GRID2: variants seen among roughly 807,000 people sequenced by gnomAD.
GRID2 encodes the protein glutamate ionotropic receptor delta type subunit 2, also known as glutamate receptor ionotropic, delta-2.
A neutral mutation model predicts 114.8 loss-of-function variants in GRID2; 33 were observed. The observed-to-expected ratio is 0.29, with a 90% CI of 0.22 to 0.38. GRID2 has a LOEUF of 0.38. GRID2 is among the 10% of genes least tolerant of loss of function. The pLI, the probability that GRID2 is intolerant of heterozygous loss-of-function variation, is 1.00. For synonymous variants in GRID2, 505 were observed against 449.9 expected, an observed-to-expected ratio of 1.12 and a Z score of -1.55; for missense variants, 1,184 against 1,257.7, an observed-to-expected ratio of 0.94 and a Z score of 0.89.
At chr4:93,496,621 A>G (rs985935978) in intron 12 of GRID2, among the ~76,000 whole-genome samples, 1 of 151,784 alleles carries the variant, frequency 6.6e-6, no homozygotes, top group Non-Finnish European at 1.5e-5. Flanking sequence ...ATAGGATTGA[A>G]TCAGAGTATG....
chr4:93,766,857 A>G (rs1733716601), intron 14 of GRID2, among the ~76,000 whole-genome samples: 1 of 152,174 alleles, frequency 6.6e-6, no homozygotes, highest in Non-Finnish European at 1.5e-5. Flanking sequence ...AATGTACAAT[A>G]CAGTATTGCT....
chr4:92,885,597 T>G (rs1746315043), intron 2 of GRID2, among the ~76,000 whole-genome samples: 1 of 152,354 alleles, frequency 6.6e-6, no homozygotes, highest in Admixed American at 6.5e-5. Context: ...TTGTCTGTGA[T>G]GATTCTGTTG....
Position 93,477,593 on chromosome 4 carries a change from A to G in GRID2, c.1859-13046A>G, listed in dbSNP as rs150192418. ...TTTCAATGTCATTTCAGAATCTATA[A>G]AAAAGTAAACTTACCAATTCAAAAT... On this transcript the variant is annotated intron_variant, in intron 11 of 15. Coordinates refer to ENST00000282020, the MANE Select transcript of GRID2 (RefSeq NM_001510.4). Among the ~76,000 whole-genome samples, 559 of 152,270 alleles carry G rather than the reference A, an allele frequency of 3.7e-3. 2 individuals carry two copies. Among genetic ancestry groups the G allele is most frequent in the Middle Eastern group, 0.01 (3 of 294 alleles).
intron 1 of GRID2, among the ~76,000 whole-genome samples, chr4:92,497,095 C>T (rs928371157): frequency 9.2e-5 from 14 of 151,410 alleles, no homozygotes; most frequent in African/African-American, 3.1e-4. Context: ...CAAATAAAAG[C>T]AATAGTTTGG....
intron 1 of GRID2, among the ~76,000 whole-genome samples, chr4:92,568,417 T>C (rs1016449899): frequency 6.6e-6 from 1 of 151,940 alleles, no homozygotes; most frequent in African/African-American, 2.4e-5. Flanking sequence ...CTCCCCATGG[T>C]TTCTCTCAAG....
In GRID2 at chr4:92,920,594, T is replaced by C. The variant is rs947296861; in HGVS notation, c.245-164401T>C. On this transcript the variant is annotated intron_variant, in intron 2 of 15. Coordinates refer to ENST00000282020, the MANE Select transcript of GRID2 (RefSeq NM_001510.4). ...CTTGTCTGTAAAGGATTTTATTTCT[T>C]CTTCACTTATGAGGCTTAGTTTGGC... Among the ~76,000 whole-genome samples the C allele has an allele frequency of 9.2e-5, 14 of 152,074 alleles. No individual in the cohort carries two copies. The South Asian group carries it at 1.0e-3, about 11-fold the overall frequency.
intron 9 of GRID2, among the ~76,000 whole-genome samples, chr4:93,413,514 G>C (rs1767412425): frequency 6.6e-6 from 1 of 151,956 alleles, no homozygotes; most frequent in Non-Finnish European, 1.5e-5. Flanking sequence ...CACATAAGTA[G>C]TGCATGAGAA....
At chr4:92,516,610 T>G (rs1311156357) in intron 1 of GRID2, among the ~76,000 whole-genome samples, 1 of 151,916 alleles carries the variant, frequency 6.6e-6, no homozygotes, top group South Asian at 2.1e-4. Flanking sequence ...TTTGTAGTCA[T>G]GTAGCTCCTT....
At chr4:93,453,472 A>C (rs1343495623) in intron 10 of GRID2, among the ~76,000 whole-genome samples, 2 of 152,060 alleles carry the variant, frequency 1.3e-5, no homozygotes, top group Non-Finnish European at 2.9e-5. Context: ...ATAGACCAGA[A>C]TTTAGGAATT....
chr4:93,037,947 A>T (rs2149264978), intron 2 of GRID2, among the ~76,000 whole-genome samples: 1 of 152,210 alleles, frequency 6.6e-6, no homozygotes, highest in African/African-American at 2.4e-5. Context: ...ATATGAAACC[A>T]AATTTAAAGT....
In GRID2 at chr4:93,040,863, T is replaced by C. The variant is rs115584930; in HGVS notation, c.245-44132T>C. Among the ~76,000 whole-genome samples the C allele has an allele frequency of 5.2e-3, 797 of 152,276 alleles. 5 individuals are homozygous for C. Among genetic ancestry groups the C allele is most frequent in the Non-Finnish European group, 8.3e-3 (564 of 68,002 alleles). ...CGAGGTCGGCGAATTTACAAGGAGCTGTATTTATGGCATCTTTCTGGATCC... is the reference window on the plus strand; with the variant it reads ...CGAGGTCGGCGAATTTACAAGGAGCCGTATTTATGGCATCTTTCTGGATCC... On this transcript the variant is annotated intron_variant, in intron 2 of 15. Transcript: ENST00000282020.
At chr4:93,370,305 G>A (rs759441783) in intron 8 of GRID2, among the ~76,000 whole-genome samples, 12 of 151,706 alleles carry the variant, frequency 7.9e-5, no homozygotes, top group African/African-American at 1.5e-4. Flanking sequence ...TTAAATTTCC[G>A]ATCCCTGTCC....
chr4:93,501,633 G>T (rs1056073668), intron 12 of GRID2, among the ~76,000 whole-genome samples: 10 of 152,016 alleles, frequency 6.6e-5, no homozygotes, highest in Admixed American at 1.3e-4. Flanking sequence ...CTTCCTAGAA[G>T]TATATTGGTC....
chr4:92,332,017 C>T (rs1329528992), intron 1 of GRID2, among the ~76,000 whole-genome samples: 1 of 152,164 alleles, frequency 6.6e-6, no homozygotes, highest in African/African-American at 2.4e-5. Flanking sequence ...GGGGGTCACA[C>T]ATGTCCTAAA....
At chr4:92,589,487 C>T (rs532682047) in intron 1 of GRID2, among the ~76,000 whole-genome samples, 1 of 152,310 alleles carries the variant, frequency 6.6e-6, no homozygotes, top group South Asian at 2.1e-4. Context: ...TGTTTATCAT[C>T]ATCATATTTA....
chr4:92,505,279 A>G (rs1052577100), intron 1 of GRID2, among the ~76,000 whole-genome samples: 1 of 152,080 alleles, frequency 6.6e-6, no homozygotes, highest in Non-Finnish European at 1.5e-5. Flanking sequence ...AATGCTGTCC[A>G]TAACTTTTTA....
intron 8 of GRID2, among the ~76,000 whole-genome samples, chr4:93,301,788 T>C (rs1754897248): frequency 1.3e-5 from 2 of 152,186 alleles, no homozygotes; most frequent in Non-Finnish European, 2.9e-5. Flanking sequence ...ATTAGAGTGA[T>C]TACAGCCACT....
intron 3 of GRID2, among the ~76,000 whole-genome samples, chr4:93,100,440 C>A (rs950260276): frequency 1.3e-5 from 2 of 151,810 alleles, no homozygotes; most frequent in Non-Finnish European, 2.9e-5. Flanking sequence ...TTTTTCTAAG[C>A]AAGATTTTTT....
At chr4:93,275,467 A>T (rs1474584658) in intron 8 of GRID2, among the ~76,000 whole-genome samples, 1 of 151,214 alleles carries the variant, frequency 6.6e-6, no homozygotes, top group Non-Finnish European at 1.5e-5. Flanking sequence ...AATAGAAATG[A>T]TCCTTCCTTT....
Sources: allele counts gnomAD v4.1 joint callset (sites outside exome capture counted in the v4.1 genomes callset), GRCh38; gene constraint gnomAD v4.1.1; transcripts MANE v1.5; gene names NCBI Gene and HGNC (gene_info 2026-07-23, HGNC 2026-07-21).